RCBTB1: variants seen among roughly 807,000 people sequenced by gnomAD.
The protein encoded by RCBTB1 is RCC1 and BTB domain-containing protein 1.
RCBTB1 carries 46 observed loss-of-function variants against 62.4 expected under a neutral mutation model. The ratio of observed to expected loss-of-function variants is 0.74; its 90% CI spans 0.58 to 0.94. RCBTB1 has a LOEUF of 0.94. Among genes scored for constraint, RCBTB1 ranks in the 40% least tolerant of loss-of-function variants. The pLI is 0.00. For missense variants in RCBTB1, 565 were observed against 654.9 expected (o/e 0.86, Z 1.50); for synonymous variants, 222 against 245.8 (o/e 0.90, Z 0.91).
Position 49,567,299 on chromosome 13 carries a change from T to G in RCBTB1, c.-20A>C. ...CACCATGACTCTGGCTTCAAGCAAT[T>G]CCTATAAATAAGCCGACATCTCTGC... On this transcript the variant is annotated 5_prime_UTR_variant, in exon 3 of 13. Transcript: ENST00000378302. 1.2e-6 allele frequency: 2 copies of G among 1,612,402 alleles called. No homozygotes were observed. Among genetic ancestry groups the G allele is most frequent in the Non-Finnish European group, 1.7e-6 (2 of 1,178,998 alleles).
chr13:49,557,802 A>G (rs555828902), intron 5 of RCBTB1, among the ~76,000 whole-genome samples: 4 of 152,320 alleles, frequency 2.6e-5, no homozygotes, highest in East Asian at 3.9e-4. Flanking sequence ...ACTGCCATCA[A>G]AAGTGTAATC....
chr13:49,551,899 CAAAAA>C (rs5803471), intron 7 of RCBTB1, among the ~76,000 whole-genome samples: 3 of 100,366 alleles, frequency 3.0e-5, no homozygotes, highest in Non-Finnish European at 4.1e-5. Flanking sequence ...GACTCCGTCT[CAAAAA>C]AAAAAAAAAA....
intron 2 of RCBTB1, among the ~76,000 whole-genome samples, chr13:49,579,665 C>G: frequency 6.6e-6 from 1 of 151,740 alleles, no homozygotes; most frequent in East Asian, 1.9e-4. Flanking sequence ...GAAGAATGCC[C>G]TGAATGCTTG....
At chr13:49,544,087 A>G (rs1368355393) in intron 10 of RCBTB1, among the ~76,000 whole-genome samples, 2 of 152,236 alleles carry the variant, frequency 1.3e-5, no homozygotes, top group Non-Finnish European at 2.9e-5. Context: ...GAGGGCATAT[A>G]CACTTTTCAA....
intron 1 of RCBTB1, among the ~76,000 whole-genome samples, 166 bp from the exon 2 acceptor site, chr13:49,580,750 GA>G (rs1964049985): frequency 6.6e-6 from 1 of 152,196 alleles, no homozygotes; most frequent in Non-Finnish European, 1.5e-5. Flanking sequence ...CCAGTTGTAT[GA>G]AAAGTATCAA....
chr13:49,568,692 A>C (rs1963194132), intron 2 of RCBTB1, among the ~76,000 whole-genome samples: 1 of 151,556 alleles, frequency 6.6e-6, no homozygotes, highest in Non-Finnish European at 1.5e-5. Context: ...GCACTTTGGG[A>C]GGCCAAGGTG....
Position 49,544,761 on chromosome 13 carries a change from A to G in RCBTB1, c.1148T>C (p.Val383Ala), listed in dbSNP as rs940041142. 2 of 1,612,076 alleles carry G rather than the reference A, an allele frequency of 1.2e-6. No homozygotes were observed. The highest frequency in any genetic ancestry group is 2.2e-5 in the East Asian group (1 of 44,776). ...KFRIDGKYIH[V>A]HKAVLKIRCE... is the part of the protein sequence containing the mutation. The stretch of plus-strand genomic sequence containing the variant: ...CCTGATTTTCAAAACAGCTTTATGG[A>G]CATGAATATATTTTCCATCAATTCG... The change falls in exon 10 of 13, where the codon GTC becomes GCC. Residue 383 changes from valine to alanine, a missense_variant. Transcript: ENST00000378302.
intron 2 of RCBTB1, among the ~76,000 whole-genome samples, chr13:49,571,413 C>T (rs71434474): frequency 0.013 from 2,043 of 152,282 alleles, 26 homozygotes; most frequent in Non-Finnish European, 0.021. Flanking sequence ...CCTAGATTTG[C>T]CTGGTTAAAC....
intron 2 of RCBTB1, among the ~76,000 whole-genome samples, chr13:49,571,073 G>A (rs888386115): frequency 3.3e-5 from 5 of 152,144 alleles, no homozygotes; most frequent in African/African-American, 9.7e-5. Context: ...CAGGCCGGGC[G>A]GGGTAGCTCA....
chr13:49,561,929 TA>T (rs58254547), intron 4 of RCBTB1, among the ~76,000 whole-genome samples: 504 of 134,646 alleles, frequency 3.7e-3, no homozygotes, highest in Middle Eastern at 0.011. Flanking sequence ...CCACATCTAC[TA>T]AAAAAAAAAA....
intron 4 of RCBTB1, among the ~76,000 whole-genome samples, chr13:49,565,247 C>G (rs888762097): frequency 6.6e-6 from 1 of 152,222 alleles, no homozygotes; most frequent in African/African-American, 2.4e-5. Context: ...CAGCTCCTAA[C>G]CGCGAGTGAT....
chr13:49,539,005 G>A (rs1002890816), intron 12 of RCBTB1, among the ~76,000 whole-genome samples: 25 of 151,790 alleles, frequency 1.6e-4, no homozygotes, highest in African/African-American at 5.3e-4. Flanking sequence ...GAATAGCTGG[G>A]ATTACAGGTA....
chr13:49,552,132 AGGAAGGTAGATG>A, intron 7 of RCBTB1, 34 bp downstream of exon 7: 2 of 1,225,982 alleles, frequency 1.6e-6, no homozygotes, highest in Non-Finnish European at 1.2e-6. Context: ...AGTTAGAGCA[AGGAAGGTAGATG>A]GGAAGCCACT....
At chr13:49,555,225 A>T (rs1316620400) in intron 6 of RCBTB1, among the ~76,000 whole-genome samples, 1 of 152,264 alleles carries the variant, frequency 6.6e-6, no homozygotes, top group African/African-American at 2.4e-5. Context: ...TTAATCTATT[A>T]CATTAAATAT....
chr13:49,585,178 A>C (rs561443168), intron 1 of RCBTB1, among the ~76,000 whole-genome samples: 1 of 152,328 alleles, frequency 6.6e-6, no homozygotes, highest in African/African-American at 2.4e-5. Flanking sequence ...AGAGGGAGGC[A>C]GGGAAAACTT....
chr13:49,546,849 A>T lies in RCBTB1; in HGVS notation c.1046-1986T>A, dbSNP rs1536192. The T allele has an allele frequency of 2.1e-5, 13 of 622,130 alleles. No homozygotes were observed. The African/African-American group carries it at 2.4e-4, about 11-fold the overall frequency. The allele number at this position is 622,130 out of a possible 1,614,324, so 38.5% of individuals were successfully genotyped here. ...CACTGCCACTCACCTCCTGCCGTGC[A>T]ACCCAGTTAATAACAGGCCACGGAC... On this transcript the variant is annotated intron_variant, in intron 9 of 12. Coordinates refer to ENST00000378302, the MANE Select transcript of RCBTB1 (RefSeq NM_018191.4).
At chr13:49,547,231 G>C in intron 9 of RCBTB1, 1 of 1,204,336 alleles carries the variant, frequency 8.3e-7, no homozygotes, top group South Asian at 1.3e-5. Context: ...TAAAGTGAAA[G>C]GGAGTATTCA....
At chr13:49,542,546 T>C (rs563627960) in intron 10 of RCBTB1, among the ~76,000 whole-genome samples, 114 of 152,336 alleles carry the variant, frequency 7.5e-4, no homozygotes, top group African/African-American at 2.6e-3. Context: ...CTTTTGACTA[T>C]GTATCAACAT....
chr13:49,547,025 A>G, intron 9 of RCBTB1: 1 of 1,203,022 alleles, frequency 8.3e-7, no homozygotes. Context: ...GAACTGGGGG[A>G]AGCCTTTTAT....
Sources: allele counts gnomAD v4.1 joint callset (sites outside exome capture counted in the v4.1 genomes callset), GRCh38; gene constraint gnomAD v4.1.1; transcripts MANE v1.5; gene names NCBI Gene and HGNC (gene_info 2026-07-23, HGNC 2026-07-21).